TMC1: variants seen among roughly 807,000 people sequenced by gnomAD.
The protein encoded by TMC1 is transmembrane channel-like protein 1.
Under a neutral mutation model 105.8 loss-of-function variants are expected in TMC1, and 84 were observed. The observed-to-expected ratio is 0.79, with a 90% CI of 0.67 to 0.95. The LOEUF (loss-of-function observed/expected upper bound fraction) is 0.95, where lower values mean the gene tolerates loss of function less well. TMC1 is among the 40% of genes least tolerant of loss of function. TMC1 has a pLI of 0.00. For synonymous variants in TMC1, 315 were observed against 311.5 expected, an observed-to-expected ratio of 1.01 and a Z score of -0.12; for missense variants, 817 against 914.1, an observed-to-expected ratio of 0.89 and a Z score of 1.37.
At chr9:72,782,627 C>A (rs1021062073) in intron 13 of TMC1, among the ~76,000 whole-genome samples, 1 of 152,014 alleles carries the variant, frequency 6.6e-6, no homozygotes, top group Non-Finnish European at 1.5e-5. Context: ...GAATAAAAAA[C>A]CAATGTACAT....
At chr9:72,634,677 G>A (rs1344802655) in intron 4 of TMC1, among the ~76,000 whole-genome samples, 1 of 152,220 alleles carries the variant, frequency 6.6e-6, no homozygotes, top group Non-Finnish European at 1.5e-5. Context: ...AGAATGGGAA[G>A]TCCAGGTTTT....
At position 72,611,788 on chromosome 9, in the gene TMC1, G is replaced by A. The variant is rs1825028354; in HGVS notation, c.-305-4580G>A. ...GGATTTTCAAGCTGCATTCCTTGGA[G>A]TCTTGAATCGTGGATTAGAGAAAAG... On this transcript the variant is annotated intron_variant, in intron 2 of 23. Coordinates refer to ENST00000297784, the MANE Select transcript of TMC1 (RefSeq NM_138691.3). Among the ~76,000 whole-genome samples the A allele has an allele frequency of 2.0e-5, 3 of 152,196 alleles. No homozygotes were observed. The South Asian group carries it at 6.2e-4, about 32-fold the overall frequency.
chr9:72,721,288 G>T (rs1206839255), intron 8 of TMC1, among the ~76,000 whole-genome samples: 1 of 152,076 alleles, frequency 6.6e-6, no homozygotes, highest in Non-Finnish European at 1.5e-5. Flanking sequence ...ACCTTTACCA[G>T]CTGAGAGCCT....
In TMC1 at chr9:72,754,816, C is replaced by A; in HGVS notation, c.673C>A (p.Pro225Thr). 3 of 1,614,078 alleles carry A rather than the reference C, an allele frequency of 1.9e-6. No individual in the cohort carries two copies. Among genetic ancestry groups the A allele is most frequent in the Non-Finnish European group, 2.5e-6 (3 of 1,179,960 alleles). ...CTGGGGTTTGCCATATGGCAGTTTACCTAGGAAAACCGTTCCCAGAGCCGA... is the reference window on the plus strand; with the variant it reads ...CTGGGGTTTGCCATATGGCAGTTTAACTAGGAAAACCGTTCCCAGAGCCGA... ...YLWGLPYGSL[P>T]RKTVPRAEEA... The change falls in exon 12 of 24, where the codon CCT becomes ACT. Residue 225 changes from proline (P) to threonine (T), a missense_variant. By Grantham distance (38) the Pro-to-Thr change is conservative. Coordinates refer to ENST00000297784, the MANE Select transcript of TMC1 (RefSeq NM_138691.3).
At chr9:72,706,135 C>T (rs1216523572) in intron 8 of TMC1, among the ~76,000 whole-genome samples, 1 of 151,996 alleles carries the variant, frequency 6.6e-6, no homozygotes. Flanking sequence ...GAAAACAGAC[C>T]ATGGTTGATT....
Position 72,627,030 on chromosome 9 carries a change from G to GT in TMC1, c.-195-875dup, listed in dbSNP as rs1261010748. 6.6e-3 allele frequency among the ~76,000 whole-genome samples: 845 copies of GT among 127,646 alleles called. 12 individuals carry two copies. The highest frequency in any genetic ancestry group is 0.015 in the African/African-American group (524 of 35,212). 83.7% of individuals were successfully genotyped at this position (127,646 alleles called of 152,430 possible). A position where few individuals can be genotyped will look rare whatever the true frequency, so the allele number is the denominator to read the frequency against. ...TCATAAATGTACTACTATGTTGTTG[G>GT]TTTTTTTTTTTTTTTTGGGTCTGTC... On this transcript the variant is annotated intron_variant, in intron 3 of 23. Coordinates refer to ENST00000297784, the MANE Select transcript of TMC1 (RefSeq NM_138691.3).
At chr9:72,545,171 CACACACATTTATATGTGTATATAT>C (rs1823745511) in intron 1 of TMC1, among the ~76,000 whole-genome samples, 1 of 151,442 alleles carries the variant, frequency 6.6e-6, no homozygotes, top group African/African-American at 2.4e-5. Context: ...CATATATACA[CACACACATTTATATGTGTATATAT>C]ACACATATAT....
At chr9:72,577,216 G>T (rs753279926) in intron 1 of TMC1, among the ~76,000 whole-genome samples, 75 of 152,168 alleles carry the variant, frequency 4.9e-4, no homozygotes, top group Non-Finnish European at 8.4e-4. Context: ...AGCTACCATT[G>T]TTCCTCCTCT....
At chr9:72,696,332 C>A (rs1485163805) in intron 7 of TMC1, among the ~76,000 whole-genome samples, 1 of 152,138 alleles carries the variant, frequency 6.6e-6, no homozygotes, top group Non-Finnish European at 1.5e-5. Flanking sequence ...TTCCACATAA[C>A]CCAACTCTCT....
rs190327141 is a variant in TMC1 at position 72,785,122 on chromosome 9, A to T, written c.885-3217A>T. 4.6e-3 allele frequency among the ~76,000 whole-genome samples: 707 copies of T among 152,330 alleles called. 6 individuals are homozygous for T. Among genetic ancestry groups the T allele is most frequent in the African/African-American group, 0.015 (627 of 41,572 alleles). On this transcript the variant is annotated intron_variant, in intron 13 of 23. Transcript: ENST00000297784. Reference sequence around the variant, plus strand: ...AATTAGAAAGAAAAAAATAATAATTAAAAAAATTATCTGGGGGAAAAATAA... The same window carrying T: ...AATTAGAAAGAAAAAAATAATAATTTAAAAAATTATCTGGGGGAAAAATAA...
chr9:72,799,605 T>C (rs1588089205), intron 17 of TMC1, among the ~76,000 whole-genome samples: 1 of 152,162 alleles, frequency 6.6e-6, no homozygotes, highest in East Asian at 1.9e-4. Context: ...TTTGATGATA[T>C]ATGCTATTAA....
At chr9:72,822,514 TTGTGTGTGTGTGTGTGTGTG>T (rs368968408) in intron 20 of TMC1, among the ~76,000 whole-genome samples, 8 of 135,864 alleles carry the variant, frequency 5.9e-5, no homozygotes, top group East Asian at 2.2e-4. Context: ...GTTAATTCCG[TTGTGTGTGTGTGTGTGTGTG>T]TGTGTGTGTG....
intron 8 of TMC1, among the ~76,000 whole-genome samples, chr9:72,719,450 G>A (rs1267846184): frequency 6.6e-6 from 1 of 152,126 alleles, no homozygotes. Flanking sequence ...CTTGTGATCT[G>A]GACCTTTAGG....
At chr9:72,558,048 A>G (rs1172561048) in intron 1 of TMC1, among the ~76,000 whole-genome samples, 1 of 152,226 alleles carries the variant, frequency 6.6e-6, no homozygotes, top group African/African-American at 2.4e-5. Context: ...AAGGGCAGCC[A>G]GGAATAAAAT....
chr9:72,679,523 A>G (rs571248735), intron 5 of TMC1, among the ~76,000 whole-genome samples: 5 of 152,102 alleles, frequency 3.3e-5, no homozygotes, highest in South Asian at 2.1e-4. Flanking sequence ...CAGCTTATAA[A>G]CAACAGATAT....
intron 1 of TMC1, among the ~76,000 whole-genome samples, chr9:72,524,850 G>C (rs1823379489): frequency 6.6e-6 from 1 of 152,184 alleles, no homozygotes; most frequent in Admixed American, 6.5e-5. Context: ...ATTTAGTGCA[G>C]AGCCAGGATT....
chr9:72,700,926 C>T (rs1826636207), intron 8 of TMC1, among the ~76,000 whole-genome samples: 1 of 151,596 alleles, frequency 6.6e-6, no homozygotes, highest in South Asian at 2.1e-4. Context: ...TGTTTCTTAT[C>T]ACTAGAGAGA....
chr9:72,711,212 G>A (rs1014814370), intron 8 of TMC1, among the ~76,000 whole-genome samples: 5 of 152,122 alleles, frequency 3.3e-5, no homozygotes, highest in African/African-American at 1.2e-4. Flanking sequence ...ATTATGAATA[G>A]TGCTGCAGTA....
At chr9:72,712,943 A>G (rs577841708) in intron 8 of TMC1, among the ~76,000 whole-genome samples, 34 of 152,296 alleles carry the variant, frequency 2.2e-4, no homozygotes, top group Middle Eastern at 6.8e-3. Context: ...TTTGAGATAC[A>G]TTCCTTCAAT....
Sources: gnomAD v4.1 joint callset for allele counts (sites outside exome capture counted in the v4.1 genomes callset) on GRCh38, gnomAD v4.1.1 for gene constraint, MANE v1.5 for transcripts, NCBI Gene and HGNC (gene_info 2026-07-23, HGNC 2026-07-21) for gene names.